Variants in TMPRSS9 observed in about 807,000 individuals in gnomAD.
The protein encoded by TMPRSS9 is transmembrane serine protease 9, also known as transmembrane protease serine 9.
In TMPRSS9, 113 loss-of-function variants were observed where a neutral mutation model predicts 111.4. The observed-to-expected ratio is 1.01, with a 90% CI of 0.87 to 1.19. TMPRSS9 has a LOEUF of 1.19. TMPRSS9 is among the 50% of genes most tolerant of loss of function. The pLI, the probability that TMPRSS9 is intolerant of heterozygous loss-of-function variation, is 0.00. For synonymous variants in TMPRSS9, 805 were observed against 659.1 expected, an observed-to-expected ratio of 1.22 and a Z score of -3.39; for missense variants, 1,803 against 1,513.1, an observed-to-expected ratio of 1.19 and a Z score of -3.18.
At chr19:2,371,616 G>A (rs1350655586) in intron 1 of TMPRSS9, among the ~76,000 whole-genome samples, 1 of 152,000 alleles carries the variant, frequency 6.6e-6, no homozygotes, top group African/African-American at 2.4e-5. Flanking sequence ...AGAATCGGTT[G>A]AACCCAGGAG....
rs1568189260 is a variant in TMPRSS9 at position 2,418,306 on chromosome 19, TTTC to T, written c.2154+169_2154+171del. Among the ~76,000 whole-genome samples the T allele has an allele frequency of 1.5e-3, 82 of 53,350 alleles. 2 individuals carry two copies. The highest frequency in any genetic ancestry group is 3.2e-3 in the African/African-American group (21 of 6,544). The allele number at this position is 53,350 out of a possible 152,430, so 35.0% of individuals were successfully genotyped here. ...TCCTTTCCTCCTTTCCTTCCCTCCC[TTTC>T]CCTCCCTCCCTCCCTCCCTCCCTTT... On this transcript the variant is annotated intron_variant, in intron 13 of 17. Coordinates refer to ENST00000648592, the Ensembl canonical transcript of TMPRSS9.
rs559834954 is a variant in TMPRSS9, at chr19:2,418,248, C to T, written c.2154+110C>T. On this transcript the variant is annotated intron_variant, in intron 13 of 17. Transcript: ENST00000648592. ...AGATTTTTTTCCTTTCTTTCCTTCC[C>T]CCCCTCCTTCCCTCCTTGTCCTTCC... is the stretch of plus-strand genomic sequence containing the variant. The T allele has an allele frequency of 1.1e-4, 148 of 1,377,982 alleles. 23 individuals are homozygous for T. The South Asian group carries it at 1.7e-3, about 16-fold the overall frequency. The allele number at this position is 1,377,982 out of a possible 1,614,324, so 85.4% of individuals were successfully genotyped here. A position where few individuals can be genotyped will look rare whatever the true frequency, so the allele number is the denominator to read the frequency against.
intron 1 of TMPRSS9, among the ~76,000 whole-genome samples, chr19:2,361,583 A>G (rs1347190566): frequency 6.6e-6 from 1 of 152,104 alleles, no homozygotes; most frequent in African/African-American, 2.4e-5. Flanking sequence ...CCCCGGCAGG[A>G]AACCCAGGCT....
chr19:2,415,952 C>G, intron 11 of TMPRSS9, 111 bp downstream of exon 12: 23 of 1,278,290 alleles, frequency 1.8e-5, no homozygotes, highest in Non-Finnish European at 2.3e-5. Flanking sequence ...GGGGAGCAGC[C>G]CTTCCTCTCC....
At position 2,369,686 on chromosome 19, in the gene TMPRSS9, G is replaced by A. The variant is rs573758631; in HGVS notation, c.-26+9326G>A. Among the ~76,000 whole-genome samples, 11 of 147,584 alleles carry A rather than the reference G, an allele frequency of 7.5e-5. No individual in the cohort carries two copies. In the East Asian group the frequency reaches 2.0e-3, roughly 27 times the overall value. The stretch of plus-strand genomic sequence containing the variant: ...AGTCCTGGGCTCAAGCGATCCTCCT[G>A]CCACAGCCTCCAAAAGTGCTGGGAT... On this transcript the variant is annotated intron_variant, in intron 1 of 17. Transcript: ENST00000649857.
At chr19:2,385,078 C>T (rs1459322041), upstream of TMPRSS9, among the ~76,000 whole-genome samples, 1 of 150,594 alleles carries the variant, frequency 6.6e-6, no homozygotes, top group Non-Finnish European at 1.5e-5. Context: ...GGCGGATTAC[C>T]TGAGGCCACC....
At chr19:2,393,770 C>T (rs1408168889) in intron 1 of TMPRSS9, among the ~76,000 whole-genome samples, 4 of 150,928 alleles carry the variant, frequency 2.7e-5, no homozygotes, top group African/African-American at 7.3e-5. Flanking sequence ...GACTGGTACG[C>T]GCCTGTAATC....
At chr19:2,405,291 G>C (rs562704054) in intron 6 of TMPRSS9, 83 bp from the exon 8 acceptor site, 1 of 1,478,450 alleles carries the variant, frequency 6.8e-7, no homozygotes, top group Non-Finnish European at 8.9e-7. Flanking sequence ...CTGTAGACGA[G>C]AGACTCAGAG....
chr19:2,385,406 T>C (rs1970458979), upstream of TMPRSS9, among the ~76,000 whole-genome samples: 1 of 152,162 alleles, frequency 6.6e-6, no homozygotes, highest in Non-Finnish European at 1.5e-5. Context: ...CCAACGAGAC[T>C]GAAAGCGGCA....
At position 2,380,479 on chromosome 19, in the gene TMPRSS9, T is replaced by A. The variant is rs186111643; in HGVS notation, c.-25-9282T>A. ...AGCCAGGCATGGTGGCATGCACCTG[T>A]AATCCCAGCTACTGGGGAAGCTGAG... is the stretch of plus-strand genomic sequence containing the variant. On this transcript the variant is annotated intron_variant, in intron 1 of 17. Transcript: ENST00000649857. 1.1e-4 allele frequency among the ~76,000 whole-genome samples: 16 copies of A among 150,282 alleles called. No individual in the cohort carries two copies. The East Asian group carries it at 3.1e-3, about 30-fold the overall frequency.
chr19:2,413,943 G>C, exon 10 of TMPRSS9: 1 of 1,612,090 alleles, frequency 6.2e-7, no homozygotes, highest in Non-Finnish European at 8.5e-7. Context: ...GAGCCCTGTG[G>C]TCAGCACCCC....
intron 17 of TMPRSS9, 124 bp downstream of exon 18, chr19:2,425,617 G>A (rs1324722220): frequency 7.3e-7 from 1 of 1,375,266 alleles, no homozygotes; most frequent in Non-Finnish European, 9.4e-7. Context: ...AGCGGATCAA[G>A]CAGGGAGCCT....
intron 8 of TMPRSS9, among the ~76,000 whole-genome samples, 192 bp from the exon 10 acceptor site, chr19:2,410,066 T>C (rs991025300): frequency 6.6e-6 from 1 of 152,044 alleles, no homozygotes; most frequent in African/African-American, 2.4e-5. Context: ...CTCTTCCTTG[T>C]CCAGGCAGAG....
chr19:2,408,990 A>AAATATAAT (rs1555679497), intron 8 of TMPRSS9, among the ~76,000 whole-genome samples: 2 of 125,008 alleles, frequency 1.6e-5, no homozygotes, highest in African/African-American at 6.3e-5. Context: ...CTCCATCTCA[A>AAATATAAT]AATAATAATA....
At chr19:2,393,034 C>A (rs969965515) in intron 1 of TMPRSS9, among the ~76,000 whole-genome samples, 4 of 152,128 alleles carry the variant, frequency 2.6e-5, no homozygotes, top group African/African-American at 9.7e-5. Context: ...CCTGTCAAAA[C>A]GGACCAGTCA....
chr19:2,367,315 C>T (rs942185296), intron 1 of TMPRSS9, among the ~76,000 whole-genome samples: 12 of 152,174 alleles, frequency 7.9e-5, no homozygotes, highest in Non-Finnish European at 1.2e-4. Context: ...TAGAACCAGT[C>T]TCATAGGAGA....
chr19:2,365,516 G>C (rs922653357), intron 1 of TMPRSS9, among the ~76,000 whole-genome samples: 1 of 152,068 alleles, frequency 6.6e-6, no homozygotes, highest in Non-Finnish European at 1.5e-5. Flanking sequence ...TTCTATAAAC[G>C]GGCTTTGGCT....
At chr19:2,396,766 C>T (rs940309254) in intron 2 of TMPRSS9, 100 bp downstream of exon 3, 8 of 1,458,088 alleles carry the variant, frequency 5.5e-6, no homozygotes, top group Non-Finnish European at 7.3e-6. Flanking sequence ...AGGCCACAGG[C>T]AACGAAGCTG....
In TMPRSS9 at chr19:2,412,919, C is replaced by T. The variant is rs749065094; in HGVS notation, c.1255-781C>T. The stretch of plus-strand genomic sequence containing the variant: ...TTTAAGAATGTAAGAGTCGGCCAGG[C>T]ACGGTGGCTCACGCCTGTCATCCCA... On this transcript the variant is annotated intron_variant, in intron 9 of 17. Coordinates refer to ENST00000648592, the Ensembl canonical transcript of TMPRSS9. Among the ~76,000 whole-genome samples, 82 of 152,136 alleles carry T rather than the reference C, an allele frequency of 5.4e-4. 1 individual carries two copies. Among genetic ancestry groups the T allele is most frequent in the Non-Finnish European group, 1.2e-4 (8 of 68,034 alleles).
Sources: gnomAD v4.1 joint callset for allele counts (sites outside exome capture counted in the v4.1 genomes callset) on GRCh38, gnomAD v4.1.1 for gene constraint, MANE v1.5 for transcripts, NCBI Gene and HGNC (gene_info 2026-07-23, HGNC 2026-07-21) for gene names.